The following PRPF8 variants were observed in gnomAD, a reference collection of about 807,000 sequenced individuals.
PRPF8 encodes pre-mRNA-processing-splicing factor 8.
PRPF8 carries 64 observed loss-of-function variants against 285.9 expected under a neutral mutation model. The ratio of observed to expected loss-of-function variants is 0.22; its 90% CI spans 0.18 to 0.28. PRPF8 has a LOEUF of 0.28. Among genes scored for constraint, PRPF8 ranks in the 10% least tolerant of loss-of-function variants. The pLI is 1.00. For missense variants in PRPF8, 1,426 were observed against 3,026.7 expected (o/e 0.47, Z 12.41); for synonymous variants, 1,325 against 1,118.2 (o/e 1.18, Z -3.69).
In PRPF8 at chr17:1,673,661, C is replaced by G. The variant is rs887627725; in HGVS notation, c.3446+85G>C. On this transcript the variant is annotated intron_variant, in intron 22 of 42. Coordinates refer to ENST00000304992, the MANE Select transcript of PRPF8 (RefSeq NM_006445.4). The surrounding 1 kb of genome is among the most constrained non-coding windows in gnomAD (Gnocchi z 5.5). The stretch of plus-strand genomic sequence containing the variant: ...ACATCCTGACACAGCCACGCCTCTC[C>G]CACCCAGGACGCAGCCTCAGGTATG... 2 of 1,611,428 alleles carry G rather than the reference C, an allele frequency of 1.2e-6. No homozygotes were observed. Among genetic ancestry groups the G allele is most frequent in the African/African-American group, 2.7e-5 (2 of 74,856 alleles).
Position 1,660,844 on chromosome 17 carries a change from G to T in PRPF8, c.4509-17C>A, listed in dbSNP as rs2151116173. On this transcript the variant is annotated splice_polypyrimidine_tract_variant and intron_variant, in intron 28 of 42. Coordinates refer to ENST00000304992, the MANE Select transcript of PRPF8 (RefSeq NM_006445.4). Reference sequence around the variant, plus strand: ...GCCTTCTCCCTGGGGAGCAAGAGAAGCAGGTGAGGTGATATCCTGCCATTT... The same window carrying T: ...GCCTTCTCCCTGGGGAGCAAGAGAATCAGGTGAGGTGATATCCTGCCATTT... The T allele has an allele frequency of 1.2e-6, 2 of 1,613,678 alleles. No individual in the cohort carries two copies. The highest frequency in any genetic ancestry group is 1.7e-6 in the Non-Finnish European group (2 of 1,180,048).
At chr17:1,683,957 G>T (rs1453827190) in intron 2 of PRPF8, among the ~76,000 whole-genome samples, 1 of 151,410 alleles carries the variant, frequency 6.6e-6, no homozygotes, top group Non-Finnish European at 1.5e-5. Context: ...TGCGATGTCG[G>T]CTCACTGCAA....
At chr17:1,655,605 T>C (rs1003737814) in intron 36 of PRPF8, 62 bp from the exon 37 acceptor site, 2 of 1,420,792 alleles carry the variant, frequency 1.4e-6, no homozygotes, top group Non-Finnish European at 2.0e-6. Context: ...ACTTTAATCC[T>C]AACCTTTCAT....
intron 24 of PRPF8, among the ~76,000 whole-genome samples, chr17:1,663,784 A>G (rs1003793850): frequency 1.3e-5 from 2 of 151,814 alleles, no homozygotes; most frequent in African/African-American, 4.8e-5. Context: ...TTAGTTACAA[A>G]GACACAGATT....
At position 1,681,695 on chromosome 17, in the gene PRPF8, G is replaced by A. The variant is rs143954665; in HGVS notation, c.654-5C>T. The A allele has an allele frequency of 7.9e-5, 127 of 1,613,958 alleles. 1 individual carries two copies. The East Asian group carries it at 2.6e-3, about 33-fold the overall frequency. On this transcript the variant is annotated splice_region_variant and splice_polypyrimidine_tract_variant and intron_variant, in intron 5 of 42. Transcript: ENST00000304992. ...TAAGTGGAGCCATTTACATACCTAGGTAAAAAATGAAAGGCCCACCTCAAG... is the reference window on the plus strand; with the variant it reads ...TAAGTGGAGCCATTTACATACCTAGATAAAAAATGAAAGGCCCACCTCAAG...
chr17:1,680,682 T>C lies in PRPF8; in HGVS notation c.1098+44A>G, dbSNP rs757888118. On this transcript the variant is annotated intron_variant, in intron 8 of 42. Coordinates refer to ENST00000304992, the MANE Select transcript of PRPF8 (RefSeq NM_006445.4). ...AGTAACATCAGCCAACCTCACGCAT[T>C]TCTCCTAGAAGAGCTGAGGGAAAGC... The C allele has an allele frequency of 3.9e-6, 6 of 1,551,292 alleles. No individual in the cohort carries two copies. The Admixed American group carries it at 5.0e-5, about 13-fold the overall frequency.
chr17:1,676,149 A>C lies in PRPF8; in HGVS notation c.2552+58T>G, dbSNP rs780133270. 3.1e-5 allele frequency: 50 copies of C among 1,612,052 alleles called. No homozygotes were observed. The highest frequency in any genetic ancestry group is 4.0e-5 in the Non-Finnish European group (47 of 1,179,852). ...CACCTTCTTTCTTTGGACTCTGAGG[A>C]TGACGCCATTCCCTGCTGTCACCTT... On this transcript the variant is annotated intron_variant, in intron 17 of 42. Coordinates refer to ENST00000304992, the MANE Select transcript of PRPF8 (RefSeq NM_006445.4). This position sits in a 1 kb window ranked among gnomAD's most constrained non-coding sequence, Gnocchi z 6.3.
rs1912873443 is a variant in PRPF8 at position 1,680,777 on chromosome 17, A to G, written c.1047T>C (p.Ala349=). 3 of 1,614,036 alleles carry G rather than the reference A, an allele frequency of 1.9e-6. No homozygotes were observed. Among genetic ancestry groups the G allele is most frequent in the Non-Finnish European group, 2.5e-6 (3 of 1,180,022 alleles). ...FIKTEDPDLP[A]FYFDPLINPI... ...GGTTGATCAAAGGGTCAAAGTAGAAAGCTGGCAAGTCAGGATCCTCAGTTT... is the reference window on the plus strand; with the variant it reads ...GGTTGATCAAAGGGTCAAAGTAGAAGGCTGGCAAGTCAGGATCCTCAGTTT... The change falls in exon 8 of 43, where the codon GCT becomes GCC. Residue 349 remains alanine, a synonymous_variant. Transcript: ENST00000304992.
In PRPF8 at chr17:1,673,408, G is replaced by T. The variant is rs1912435618; in HGVS notation, c.3606C>A (p.Thr1202=). The T allele has an allele frequency of 6.2e-7, 1 of 1,614,108 alleles. No individual in the cohort carries two copies. The highest frequency in any genetic ancestry group is 8.5e-7 in the Non-Finnish European group (1 of 1,180,036). Residue 1202 remains threonine (T), a synonymous_variant, in exon 23 of 43, where the codon ACC becomes ACA. Coordinates refer to ENST00000304992, the MANE Select transcript of PRPF8 (RefSeq NM_006445.4). The surrounding 1 kb of genome is among the most constrained non-coding windows in gnomAD (Gnocchi z 5.5). ...CCTTGTGGGTGAACTCCTCATAGCT[G>T]GTGCGGCACTTAGGCAGGATGCGGC... is the stretch of plus-strand genomic sequence containing the variant. ...FECRILPKCR[T]SYEEFTHKDG...
intron 24 of PRPF8, 176 bp downstream of exon 24, chr17:1,672,904 GA>G: frequency 1.5e-6 from 1 of 677,234 alleles, no homozygotes; most frequent in African/African-American, 1.8e-5. Context: ...GGAACGCTCA[GA>G]AAATAACGAT....
At position 1,658,184 on chromosome 17, in the gene PRPF8, T is replaced by C; in HGVS notation, c.5505+69A>G. ...CTTTCATCTAATAAACCAGTAAATA[T>C]TACCAAGTCCACCCCAAGAATAAGA... is the stretch of plus-strand genomic sequence containing the variant. On this transcript the variant is annotated intron_variant, in intron 34 of 42. Transcript: ENST00000304992. This position sits in a 1 kb window ranked among gnomAD's most constrained non-coding sequence, Gnocchi z 4.1. 1 of 1,608,600 alleles carries C rather than the reference T, an allele frequency of 6.2e-7. No homozygotes were observed. Among genetic ancestry groups the C allele is most frequent in the Non-Finnish European group, 8.5e-7 (1 of 1,176,694 alleles).
chr17:1,656,827 T>C, intron 34 of PRPF8, 66 bp from the exon 35 acceptor site: 1 of 1,340,430 alleles, frequency 7.5e-7, no homozygotes, highest in Non-Finnish European at 1.1e-6. Context: ...TAGAACAGAA[T>C]ATCCTAGTTT....
chr17:1,672,958 G>A (rs905043575), intron 24 of PRPF8, 123 bp downstream of exon 24: 14 of 904,486 alleles, frequency 1.5e-5, no homozygotes, highest in Non-Finnish European at 2.4e-5. Flanking sequence ...CACAGAGCAT[G>A]GAAACTGGCA....
intron 20 of PRPF8, among the ~76,000 whole-genome samples, 166 bp downstream of exon 20, chr17:1,674,986 A>G (rs940758411): frequency 6.6e-6 from 1 of 151,192 alleles, no homozygotes; most frequent in Non-Finnish European, 1.5e-5. Context: ...TGTTGGCCAG[A>G]CTGGTCTCGA....
At chr17:1,667,862 TA>T (rs1259089932) in intron 24 of PRPF8, among the ~76,000 whole-genome samples, 8 of 152,106 alleles carry the variant, frequency 5.3e-5, no homozygotes, top group Non-Finnish European at 1.2e-4. Flanking sequence ...TTTTTAAATA[TA>T]AACAGGATCT....
intron 3 of PRPF8, 66 bp from the exon 4 acceptor site, chr17:1,682,359 G>C: frequency 6.4e-7 from 1 of 1,562,812 alleles, no homozygotes. Context: ...GTCCCATGCA[G>C]AGAAGCCACA....
At position 1,659,994 on chromosome 17, in the gene PRPF8, T is replaced by A. The variant is rs771270894; in HGVS notation, c.4793A>T (p.Asp1598Val). 9.9e-6 allele frequency: 16 copies of A among 1,613,932 alleles called. No individual in the cohort carries two copies. The highest frequency in any genetic ancestry group is 2.2e-5 in the South Asian group (2 of 91,084). ...AATTTCCAGTGCATCAAGTTCCTGG[T>A]CAAACACCTGAAGGAAAACATGGAG... ...SIVMDLCQVFDQELDALEIET... is the reference protein window; with the variant it reads ...SIVMDLCQVFVQELDALEIET... Residue 1598 changes from aspartate to valine, a missense_variant, in exon 31 of 43, where the codon GAC becomes GTC. Around this residue, in one of 34 missense-constraint regions of PRPF8, gnomAD observed 21 missense variants for 16.5 expected, o/e 1.27. Transcript: ENST00000304992. This position sits in a 1 kb window ranked among gnomAD's most constrained non-coding sequence, Gnocchi z 5.1.
chr17:1,680,049 C>A (rs1382166077), intron 8 of PRPF8, among the ~76,000 whole-genome samples: 1 of 152,142 alleles, frequency 6.6e-6, no homozygotes, highest in Admixed American at 6.5e-5. Flanking sequence ...CCCAATGGAG[C>A]CCCAACATCA....
At position 1,658,461 on chromosome 17, in the gene PRPF8, T is replaced by C. The variant is rs1597230270; in HGVS notation, c.5376+65A>G. On this transcript the variant is annotated intron_variant, in intron 33 of 42. Transcript: ENST00000304992. This position sits in a 1 kb window ranked among gnomAD's most constrained non-coding sequence, Gnocchi z 4.1. ...CTTCTTCCCAGCATGTGTACACACT[T>C]AGCCCATTACTCTCCCACAGCCATG... The C allele has an allele frequency of 1.2e-6, 2 of 1,613,882 alleles. No individual in the cohort carries two copies. The highest frequency in any genetic ancestry group is 1.7e-6 in the Non-Finnish European group (2 of 1,179,740).
Sources: gnomAD v4.1 joint callset for allele counts (sites outside exome capture counted in the v4.1 genomes callset) on GRCh38, gnomAD v4.1.1 for gene constraint, gnomAD v4.1.1 regional missense constraint, Gnocchi (gnomAD v3.1) non-coding constraint, MANE v1.5 for transcripts, NCBI Gene and HGNC (gene_info 2026-07-23, HGNC 2026-07-21) for gene names.